The following SHOX variants were observed in gnomAD, a reference collection of about 807,000 sequenced individuals.
The protein encoded by SHOX is SHOX homeobox, also known as short stature homeobox protein.
Under a neutral mutation model 29.6 loss-of-function variants are expected in SHOX, and 12 were observed. The observed-to-expected ratio is 0.41, with a 90% CI of 0.26 to 0.66. SHOX has a LOEUF of 0.66. Among genes scored for constraint, SHOX ranks in the 30% least tolerant of loss-of-function variants. The probability of loss-of-function intolerance (pLI) is 0.35; values close to 1 mark genes in which losing one functional copy is unlikely to be tolerated. For missense variants in SHOX, 499 were observed against 437.7 expected, an observed-to-expected ratio of 1.14 and a Z score of -1.25; for synonymous variants, 214 against 200.6, an observed-to-expected ratio of 1.07 and a Z score of -0.57.
rs773859404 is a variant in SHOX at position 641,070 on chromosome X, C to T, written c.616C>T (p.Arg206Trp). The T allele has an allele frequency of 3.1e-6, 5 of 1,613,842 alleles. No individual in the cohort carries two copies. Among genetic ancestry groups the T allele is most frequent in the Non-Finnish European group, 4.2e-6 (5 of 1,179,844 alleles). ...ACCCTACGTCAACATGGGAGCCTTA[C>T]GGATGCCTTTCCAACAGGTAGCTCA... Reference protein sequence around the residue: ...VAPYVNMGALRMPFQQVQAQL... With the variant: ...VAPYVNMGALWMPFQQVQAQL... The change falls in exon 4 of 5, where the codon CGG (arginine) becomes TGG (tryptophan). Residue 206 changes from arginine (R) to tryptophan (W), a missense_variant. Transcript: ENST00000686671.
chrX:640,238 G>A (rs1474176380), intron 2 of SHOX, among the ~76,000 whole-genome samples: 3 of 152,012 alleles, frequency 2.0e-5, no homozygotes, highest in East Asian at 1.9e-4. Flanking sequence ...CCAGCTACTC[G>A]GGAAGCTGAG....
upstream of SHOX, among the ~76,000 whole-genome samples, chrX:625,808 T>C (rs1438254341): frequency 1.3e-5 from 2 of 149,996 alleles, no homozygotes; most frequent in Non-Finnish European, 3.0e-5. Flanking sequence ...TCTCTGTGTC[T>C]CTGTCTCTGT....
chrX:646,682 T>A lies in SHOX; in HGVS notation c.*2046T>A, dbSNP rs779925160. 58 of 152,262 alleles carry A rather than the reference T, an allele frequency of 3.8e-4. No homozygotes were observed. Among genetic ancestry groups the A allele is most frequent in the Middle Eastern group, 3.4e-3 (1 of 294 alleles). The allele number at this position is 152,262 out of a possible 1,614,324, so 9.4% of individuals were successfully genotyped here. A position where few individuals can be genotyped will look rare whatever the true frequency, so the allele number is the denominator to read the frequency against. On this transcript the variant is annotated 3_prime_UTR_variant, in exon 5 of 5. Coordinates refer to ENST00000686671, the MANE Select transcript of SHOX (RefSeq NM_000451.4). ...CAAAAGTCCCCTTCAACATTTTTTA[T>A]GTCAAAATGTTACAACCGCTGTAAA...
At chrX:654,147 A>T (rs1185346155), downstream of SHOX, among the ~76,000 whole-genome samples, 1 of 152,108 alleles carries the variant, frequency 6.6e-6, no homozygotes, top group African/African-American at 2.4e-5. Context: ...GCATAATAAG[A>T]AAAATACAGG....
At chrX:624,682 C>CT (rs2052469963) in intron 1 of SHOX, 1 of 118,970 alleles carries the variant, frequency 8.4e-6, no homozygotes, top group African/African-American at 3.4e-5. Flanking sequence ...TCCTTCCTTC[C>CT]TTCCTCTCTT....
intron 2 of SHOX, among the ~76,000 whole-genome samples, chrX:635,137 T>C (rs2052722947): frequency 1.3e-5 from 2 of 152,288 alleles, no homozygotes; most frequent in East Asian, 3.9e-4. Context: ...TGTTCGTCCT[T>C]GGTGCAAAGA....
In SHOX at chrX:644,659, G is replaced by T. The variant is rs898300712; in HGVS notation, c.*23G>T. 35 of 1,433,666 alleles carry T rather than the reference G, an allele frequency of 2.4e-5. No homozygotes were observed. The highest frequency in any genetic ancestry group is 1.0e-4 in the South Asian group (7 of 69,520). The allele number at this position is 1,433,666 out of a possible 1,614,324, so 88.8% of individuals were successfully genotyped here. A position where few individuals can be genotyped will look rare whatever the true frequency, so the allele number is the denominator to read the frequency against. ...TGACCCGCCGCGCAGCCCCCCGCGC[G>T]CCCGGACTCCCGGGCTCCGCGCACC... On this transcript the variant is annotated 3_prime_UTR_variant, in exon 5 of 5. Coordinates refer to ENST00000686671, the MANE Select transcript of SHOX (RefSeq NM_000451.4).
chrX:634,581 C>G (rs2124165088), intron 1 of SHOX, 37 bp from the exon 2 acceptor site: 1 of 1,608,278 alleles, frequency 6.2e-7, no homozygotes, highest in Non-Finnish European at 8.5e-7. Context: ...GCAAAACCTC[C>G]CCGGCCTCAG....
At chrX:624,738 T>TTTCTTTCTTCC (rs1200490274) in intron 1 of SHOX, 1 of 53,274 alleles carries the variant, frequency 1.9e-5, no homozygotes, top group African/African-American at 9.7e-5. Flanking sequence ...TCTTTCTTTC[T>TTTCTTTCTTCC]TTTCTTTCTT....
rs183478267 is a variant in SHOX, at chrX:649,441, G to A, written c.*4805G>A. ...TTCCCGGAAGGCCCTCCAGAGACAC[G>A]TTTGCGTGAACATTCAGCATGGAAA... On this transcript the variant is annotated 3_prime_UTR_variant, in exon 5 of 5. Coordinates refer to ENST00000686671, the MANE Select transcript of SHOX (RefSeq NM_000451.4). Among the ~76,000 whole-genome samples, 11 of 152,154 alleles carry A rather than the reference G, an allele frequency of 7.2e-5. No homozygotes were observed. Among genetic ancestry groups the A allele is most frequent in the South Asian group, 2.1e-4 (1 of 4,822 alleles).
chrX:654,521 A>G (rs1178491696), downstream of SHOX, among the ~76,000 whole-genome samples: 2 of 152,152 alleles, frequency 1.3e-5, no homozygotes, highest in Non-Finnish European at 2.9e-5. Flanking sequence ...AAAAAATTGA[A>G]TAAATCATTG....
upstream of SHOX, among the ~76,000 whole-genome samples, chrX:626,494 C>A (rs184819550): frequency 1.5e-3 from 186 of 122,918 alleles, 1 homozygote; most frequent in Non-Finnish European, 1.5e-3. Context: ...TCTCTCTCTC[C>A]TCTCTCTCTG....
At chrX:652,286 C>CA (rs1479481965), downstream of SHOX, among the ~76,000 whole-genome samples, 1 of 142,108 alleles carries the variant, frequency 7.0e-6, no homozygotes, top group South Asian at 2.2e-4. Context: ...ATTTTTGAGA[C>CA]AAAAAATATA....
chrX:628,466 T>G (rs2052583886), upstream of SHOX, among the ~76,000 whole-genome samples: 2 of 136,592 alleles, frequency 1.5e-5, no homozygotes, highest in African/African-American at 5.6e-5. Context: ...TCCATCTCTC[T>G]CTGTCTCTCC....
chrX:654,843 C>T (rs1173662817), downstream of SHOX, among the ~76,000 whole-genome samples: 1 of 151,832 alleles, frequency 6.6e-6, no homozygotes, highest in Non-Finnish European at 1.5e-5. Flanking sequence ...CGCCACCACA[C>T]CTGGCTAATT....
chrX:630,191 T>C (rs1471932754), upstream of SHOX, among the ~76,000 whole-genome samples: 4 of 152,158 alleles, frequency 2.6e-5, no homozygotes, highest in African/African-American at 9.6e-5. Flanking sequence ...CCCCTTCTTC[T>C]CACTTTCGGG....
intron 1 of SHOX, among the ~76,000 whole-genome samples, chrX:631,401 T>C (rs2124155773): frequency 6.6e-6 from 1 of 151,794 alleles, no homozygotes; most frequent in African/African-American, 2.4e-5. Context: ...CCAGGGAGGG[T>C]CGCAGCGGGG....
chrX:649,481 C>G lies in SHOX; in HGVS notation c.*4845C>G, dbSNP rs2053021023. Among the ~76,000 whole-genome samples the G allele has an allele frequency of 6.6e-6, 1 of 152,158 alleles. No individual in the cohort carries two copies. Among genetic ancestry groups the G allele is most frequent in the Non-Finnish European group, 1.5e-5 (1 of 68,034 alleles). On this transcript the variant is annotated 3_prime_UTR_variant, in exon 5 of 5. Transcript: ENST00000686671. ...CAGCATGGAAACAACATACGTCTCT[C>G]CACAGGAGGTGAGAAATTGAATTTA...
At chrX:627,293 T>C (rs2052555155), upstream of SHOX, among the ~76,000 whole-genome samples, 1 of 152,050 alleles carries the variant, frequency 6.6e-6, no homozygotes, top group African/African-American at 2.4e-5. Flanking sequence ...ACGTGTGGGG[T>C]AGAAAAAGCT....
Sources: allele counts gnomAD v4.1 joint callset (sites outside exome capture counted in the v4.1 genomes callset), GRCh38; gene constraint gnomAD v4.1.1; transcripts MANE v1.5; gene names NCBI Gene and HGNC (gene_info 2026-07-23, HGNC 2026-07-21).